CTNNA2: variants seen among roughly 807,000 people sequenced by gnomAD.
CTNNA2 encodes the protein catenin alpha-2.
CTNNA2 carries 42 observed loss-of-function variants against 101.0 expected under a neutral mutation model. That is an observed-to-expected ratio of 0.42 (90% CI 0.32 to 0.54). The LOEUF (loss-of-function observed/expected upper bound fraction) is 0.54, where lower values mean the gene tolerates loss of function less well. Among genes scored for constraint, CTNNA2 ranks in the 20% least tolerant of loss-of-function variants. The pLI is 0.14. For synonymous variants in CTNNA2, 450 were observed against 456.4 expected (o/e 0.99, Z 0.18); for missense variants, 871 against 1,223.1 (o/e 0.71, Z 4.29).
At chr2:79,805,887 G>T (rs546198689) in intron 3 of CTNNA2, among the ~76,000 whole-genome samples, 2 of 151,602 alleles carry the variant, frequency 1.3e-5, no homozygotes, top group Non-Finnish European at 2.9e-5. Context: ...GCAGTGAGCC[G>T]AGATTGCACC....
chr2:79,850,235 C>G (rs1286031288), intron 3 of CTNNA2, among the ~76,000 whole-genome samples: 1 of 139,144 alleles, frequency 7.2e-6, no homozygotes, highest in Non-Finnish European at 1.5e-5. Context: ...CTCTGTATCT[C>G]TCTCCCTCTG....
intron 9 of CTNNA2, among the ~76,000 whole-genome samples, chr2:80,490,321 A>T (rs1686964484): frequency 8.6e-6 from 1 of 115,720 alleles, no homozygotes; most frequent in Non-Finnish European, 1.6e-5. Flanking sequence ...ATATTTTAGG[A>T]TTTGTGGCCC....
chr2:79,793,556 C>G (rs925897153), intron 3 of CTNNA2, among the ~76,000 whole-genome samples: 1 of 152,124 alleles, frequency 6.6e-6, no homozygotes, highest in Non-Finnish European at 1.5e-5. Context: ...TAAAGCTGGC[C>G]TGTACCCTCT....
intron 2 of CTNNA2, among the ~76,000 whole-genome samples, chr2:79,690,538 T>C (rs189281134): frequency 1.6e-4 from 24 of 152,132 alleles, no homozygotes; most frequent in African/African-American, 5.5e-4. Flanking sequence ...CAGTCTATCG[T>C]TGATGGGCTT....
At chr2:80,600,778 G>A (rs1697424728) in intron 15 of CTNNA2, among the ~76,000 whole-genome samples, 1 of 152,028 alleles carries the variant, frequency 6.6e-6, no homozygotes, top group East Asian at 1.9e-4. Flanking sequence ...CGAGTAGCTG[G>A]GACTATAGGA....
In CTNNA2 at chr2:80,303,768, A is replaced by G. The variant is rs758074255; in HGVS notation, c.1057-89443A>G. ...CCCAGCAGACACAAGACCACCCCCG[A>G]GGGCCTCCTCAGCAGCCAGTATAGA... On this transcript the variant is annotated intron_variant, in intron 7 of 18. Transcript: ENST00000402739. The surrounding 1 kb of genome is among the most constrained non-coding windows in gnomAD (Gnocchi z 7.7). 193 of 1,569,624 alleles carry G rather than the reference A, an allele frequency of 1.2e-4. No homozygotes were observed. Among genetic ancestry groups the G allele is most frequent in the Non-Finnish European group, 1.5e-4 (175 of 1,159,024 alleles).
chr2:80,609,033 C>T (rs1698249109), intron 17 of CTNNA2, among the ~76,000 whole-genome samples: 1 of 151,718 alleles, frequency 6.6e-6, no homozygotes, highest in Admixed American at 6.6e-5. Context: ...TTCACCTTGG[C>T]TTCTTCTCCT....
chr2:80,409,776 A>T (rs1439962737), intron 8 of CTNNA2, among the ~76,000 whole-genome samples: 1 of 152,126 alleles, frequency 6.6e-6, no homozygotes, highest in East Asian at 1.9e-4. Flanking sequence ...GTTTACTCTC[A>T]TTTCGTTTCT....
intron 7 of CTNNA2, among the ~76,000 whole-genome samples, chr2:80,116,570 C>T (rs963560322): frequency 2.6e-5 from 4 of 152,082 alleles, no homozygotes; most frequent in Non-Finnish European, 4.4e-5. Context: ...GATGAATCTA[C>T]AAGCTGCTGA....
chr2:80,163,082 C>T, intron 7 of CTNNA2: 1 of 1,577,686 alleles, frequency 6.3e-7, no homozygotes, highest in Non-Finnish European at 8.7e-7. Context: ...GTTTGAAATT[C>T]ACAAACGCAA....
chr2:80,132,282 A>C (rs1057246943), intron 7 of CTNNA2, among the ~76,000 whole-genome samples: 7 of 152,220 alleles, frequency 4.6e-5, no homozygotes, highest in Non-Finnish European at 7.4e-5. Context: ...CTGTCCTTGC[A>C]TGCAGGTGGG....
chr2:79,556,458 A>G (rs1458222206), intron 1 of CTNNA2, among the ~76,000 whole-genome samples: 1 of 152,066 alleles, frequency 6.6e-6, no homozygotes, highest in East Asian at 1.9e-4. Context: ...AGGAAGATGT[A>G]GCTGCCTTTT....
At position 79,675,528 on chromosome 2, in the gene CTNNA2, C is replaced by A. The variant is rs538734871; in HGVS notation, c.102+23870C>A. Among the ~76,000 whole-genome samples, 9 of 152,230 alleles carry A rather than the reference C, an allele frequency of 5.9e-5. No individual in the cohort carries two copies. The South Asian group carries it at 1.9e-3, about 32-fold the overall frequency. On this transcript the variant is annotated intron_variant, in intron 2 of 18. Coordinates refer to ENST00000402739, the MANE Select transcript of CTNNA2 (RefSeq NM_001282597.3). ...CAGAAAACCAAACATACCTCTTTAC[C>A]TGATTGCTGAAACATTTGCACAGAA...
At chr2:79,436,225 A>G (rs1235109855) in intron 4 of CTNNA2, among the ~76,000 whole-genome samples, 1 of 152,178 alleles carries the variant, frequency 6.6e-6, no homozygotes, top group Non-Finnish European at 1.5e-5. Context: ...GTCATCAGGA[A>G]GCCTTAGTGG....
At chr2:80,523,436 T>A (rs1689747662) in intron 9 of CTNNA2, among the ~76,000 whole-genome samples, 1 of 152,110 alleles carries the variant, frequency 6.6e-6, no homozygotes, top group Non-Finnish European at 1.5e-5. Context: ...GAGGAAAATG[T>A]TAGTGATTTG....
intron 9 of CTNNA2, among the ~76,000 whole-genome samples, chr2:80,495,688 C>A (rs1189304101): frequency 1.3e-5 from 2 of 152,142 alleles, no homozygotes; most frequent in Non-Finnish European, 2.9e-5. Context: ...CCTATAATCA[C>A]AGCACTTTGG....
At chr2:79,587,926 AT>A (rs1476912996) in intron 1 of CTNNA2, among the ~76,000 whole-genome samples, 1 of 151,596 alleles carries the variant, frequency 6.6e-6, no homozygotes, top group Non-Finnish European at 1.5e-5. Context: ...TGTGGTCTTA[AT>A]TTTTTTTTAG....
At chr2:79,190,238 G>C (rs1673835556) in intron 1 of CTNNA2, among the ~76,000 whole-genome samples, 1 of 151,766 alleles carries the variant, frequency 6.6e-6, no homozygotes, top group South Asian at 2.1e-4. Context: ...ACTATCTTCT[G>C]CTTGCTCTAT....
chr2:79,670,199 C>A (rs1352859538), intron 2 of CTNNA2, among the ~76,000 whole-genome samples: 2 of 152,162 alleles, frequency 1.3e-5, no homozygotes, highest in Non-Finnish European at 2.9e-5. Flanking sequence ...TGTCCCGGCT[C>A]CTAGTTGCTT....
Sources: allele counts gnomAD v4.1 joint callset (sites outside exome capture counted in the v4.1 genomes callset), GRCh38; gene constraint gnomAD v4.1.1; non-coding constraint Gnocchi (gnomAD v3.1); transcripts MANE v1.5; gene names NCBI Gene and HGNC (gene_info 2026-07-23, HGNC 2026-07-21).